Variants in TTC33 observed in about 807,000 individuals in gnomAD.
The protein encoded by TTC33 is tetratricopeptide repeat protein 33.
TTC33 carries 24 observed loss-of-function variants against 29.4 expected under a neutral mutation model. The observed-to-expected ratio is 0.82, with a 90% CI of 0.59 to 1.15. The LOEUF is 1.15. Ranked by LOEUF, TTC33 falls within the 50% of genes most tolerant of loss-of-function variation. The pLI, the probability that TTC33 is intolerant of heterozygous loss-of-function variation, is 0.00. For synonymous variants in TTC33, 107 were observed against 100.3 expected (o/e 1.07, Z -0.40); for missense variants, 286 against 310.4 (o/e 0.92, Z 0.59).
chr5:40,736,068 G>T (rs1344694674), intron 2 of TTC33, among the ~76,000 whole-genome samples: 2 of 152,138 alleles, frequency 1.3e-5, no homozygotes, highest in African/African-American at 4.8e-5. Context: ...AAAAATGAGA[G>T]GACAATTTCA....
At chr5:40,738,742 A>G (rs1365377921) in intron 2 of TTC33, among the ~76,000 whole-genome samples, 2 of 152,108 alleles carry the variant, frequency 1.3e-5, no homozygotes, top group African/African-American at 4.8e-5. Flanking sequence ...TTAGCATTCT[A>G]GTAACTAGGT....
At chr5:40,755,322 G>T (rs1742964683) in intron 1 of TTC33, among the ~76,000 whole-genome samples, 1 of 152,174 alleles carries the variant, frequency 6.6e-6, no homozygotes, top group East Asian at 1.9e-4. Context: ...GGTATTCAGA[G>T]GTGAGGAATC....
At position 40,740,295 on chromosome 5, in the gene TTC33, T is replaced by C. The variant is rs569231820; in HGVS notation, c.221+6503A>G. Among the ~76,000 whole-genome samples the C allele has an allele frequency of 6.6e-5, 10 of 151,728 alleles. No homozygotes were observed. In the South Asian group the frequency reaches 1.0e-3, roughly 16 times the overall value. ...TCTATCTAGTATGATTTTCCTTCTA[T>C]GTAAAGAATTTCTTTTAATATTTCT... On this transcript the variant is annotated intron_variant, in intron 2 of 4. Transcript: ENST00000337702.
At chr5:40,744,314 T>C (rs1284083460) in intron 2 of TTC33, among the ~76,000 whole-genome samples, 1 of 152,230 alleles carries the variant, frequency 6.6e-6, no homozygotes, top group African/African-American at 2.4e-5. Flanking sequence ...ATTCCCAATT[T>C]GAGATGCTAG....
At position 40,716,425 on chromosome 5, in the gene TTC33, CAA is replaced by C; in HGVS notation, c.507_508del (p.Trp170GlyfsTer15). 3 of 1,613,718 alleles carry C rather than the reference CAA, an allele frequency of 1.9e-6. No individual in the cohort carries two copies. The highest frequency in any genetic ancestry group is 2.5e-6 in the Non-Finnish European group (3 of 1,180,006). ...CTGCTGCTCCTGGAGCGTTCTTGCC[CAA>C]GAGAGGTCTTCTTTCCATATTTCAG... On this transcript the variant is annotated frameshift_variant, in exon 5 of 5. Coordinates refer to ENST00000337702, the MANE Select transcript of TTC33 (RefSeq NM_012382.3). LOFTEE classifies it high-confidence loss of function.
Position 40,716,240 on chromosome 5 carries a change from C to T in TTC33, c.694G>A (p.Val232Ile). ...EKTVSANKTMVIVSASGAIET... is the reference protein window; with the variant it reads ...EKTVSANKTMIIVSASGAIET... ...ATGGCCCCAGAAGCAGACACAATAA[C>T]CATTGTTTTATTTGCTGAAACTGTC... Residue 232 changes from valine to isoleucine, a missense_variant, in exon 5 of 5, where the codon GTT becomes ATT. Val to Ile is a conservative substitution (Grantham distance 29). Coordinates refer to ENST00000337702, the MANE Select transcript of TTC33 (RefSeq NM_012382.3). The T allele has an allele frequency of 6.2e-7, 1 of 1,614,180 alleles. No homozygotes were observed. Among genetic ancestry groups the T allele is most frequent in the Non-Finnish European group, 8.5e-7 (1 of 1,180,038 alleles).
Position 40,716,103 on chromosome 5 carries a change from G to A in TTC33, c.*42C>T. ...TGTCTCTATGTCAAAACTTCAAGAG[G>A]CAATCAAAAAGACAGATTCAAATAA... On this transcript the variant is annotated 3_prime_UTR_variant, in exon 5 of 5. Transcript: ENST00000337702. The A allele has an allele frequency of 6.8e-7, 1 of 1,469,114 alleles. No homozygotes were observed. The highest frequency in any genetic ancestry group is 9.2e-7 in the Non-Finnish European group (1 of 1,090,752). 91.0% of individuals were successfully genotyped at this position (1,469,114 alleles called of 1,614,324 possible).
At chr5:40,750,419 G>A (rs543536520) in intron 1 of TTC33, among the ~76,000 whole-genome samples, 43 of 152,206 alleles carry the variant, frequency 2.8e-4, no homozygotes, top group African/African-American at 1.0e-3. Context: ...CTATCCAGGC[G>A]TGGTGGTACA....
intron 2 of TTC33, among the ~76,000 whole-genome samples, chr5:40,730,951 G>A (rs904926045): frequency 3.3e-5 from 5 of 152,094 alleles, no homozygotes; most frequent in Middle Eastern, 3.4e-3. Context: ...TAGTACTGTG[G>A]TGCCATCATC....
At chr5:40,755,601 G>A (rs1742970763) in intron 1 of TTC33, among the ~76,000 whole-genome samples, 1 of 152,190 alleles carries the variant, frequency 6.6e-6, no homozygotes, top group African/African-American at 2.4e-5. Flanking sequence ...TGTCCCTGGA[G>A]ACCAACCCTA....
At chr5:40,731,465 T>C (rs954284789) in intron 2 of TTC33, among the ~76,000 whole-genome samples, 1 of 152,160 alleles carries the variant, frequency 6.6e-6, no homozygotes, top group Non-Finnish European at 1.5e-5. Context: ...ATTGACTCAG[T>C]ACCACAGGGC....
intron 4 of TTC33, among the ~76,000 whole-genome samples, chr5:40,727,054 A>G (rs1007547461): frequency 6.6e-6 from 1 of 152,158 alleles, no homozygotes; most frequent in African/African-American, 2.4e-5. Flanking sequence ...TAATCAAATC[A>G]ATTATTTTCT....
chr5:40,726,438 C>T (rs541788296), intron 4 of TTC33, among the ~76,000 whole-genome samples: 1 of 150,930 alleles, frequency 6.6e-6, no homozygotes, highest in South Asian at 2.1e-4. Context: ...CATAGTGTCC[C>T]TTCGTTATGA....
chr5:40,748,327 G>T (rs1258562157), intron 1 of TTC33, among the ~76,000 whole-genome samples: 1 of 152,180 alleles, frequency 6.6e-6, no homozygotes, highest in Non-Finnish European at 1.5e-5. Flanking sequence ...CTCCCGAGCA[G>T]CTGGGATTAC....
At chr5:40,742,080 C>T (rs1742706344) in intron 2 of TTC33, among the ~76,000 whole-genome samples, 1 of 152,138 alleles carries the variant, frequency 6.6e-6, no homozygotes, top group African/African-American at 2.4e-5. Flanking sequence ...ATGCTGACTA[C>T]TGTCCAATGG....
At chr5:40,751,154 T>C (rs1379531157) in intron 1 of TTC33, among the ~76,000 whole-genome samples, 1 of 152,236 alleles carries the variant, frequency 6.6e-6, no homozygotes, top group Non-Finnish European at 1.5e-5. Context: ...TCACTATCTA[T>C]GGCAGCTATA....
intron 4 of TTC33, among the ~76,000 whole-genome samples, chr5:40,723,725 C>T (rs370447098): frequency 2.9e-4 from 44 of 152,062 alleles, no homozygotes; most frequent in African/African-American, 9.4e-4. Context: ...ATTAGCCAGG[C>T]GTGGTGATGG....
At chr5:40,722,672 G>A (rs1452419587) in intron 4 of TTC33, among the ~76,000 whole-genome samples, 1 of 151,900 alleles carries the variant, frequency 6.6e-6, no homozygotes, top group African/African-American at 2.4e-5. Context: ...CCGCCCCACA[G>A]CCGCCCAGTC....
intron 2 of TTC33, among the ~76,000 whole-genome samples, chr5:40,740,163 G>A (rs1483085256): frequency 6.6e-6 from 1 of 151,750 alleles, no homozygotes; most frequent in Non-Finnish European, 1.5e-5. Context: ...GTTATTTAAT[G>A]TCAATTATCT....
Sources: gnomAD v4.1 joint callset for allele counts (sites outside exome capture counted in the v4.1 genomes callset) on GRCh38, gnomAD v4.1.1 for gene constraint, MANE v1.5 for transcripts, NCBI Gene and HGNC (gene_info 2026-07-23, HGNC 2026-07-21) for gene names.